Variants in MBOAT2 observed in about 807,000 individuals in gnomAD.
MBOAT2 encodes membrane bound glycerophospholipid O-acyltransferase 2.
A neutral mutation model predicts 63.4 loss-of-function variants in MBOAT2; 28 were observed. The ratio of observed to expected loss-of-function variants is 0.44; its 90% CI spans 0.33 to 0.61. The LOEUF is 0.61. MBOAT2 is among the 20% of genes least tolerant of loss of function. MBOAT2 has a pLI of 0.03. For missense variants in MBOAT2, 470 were observed against 605.8 expected (o/e 0.78, Z 2.35); for synonymous variants, 211 against 215.6 (o/e 0.98, Z 0.19).
chr2:8,926,405 A>T (rs1290067644), intron 3 of MBOAT2, among the ~76,000 whole-genome samples: 1 of 152,242 alleles, frequency 6.6e-6, no homozygotes, highest in Non-Finnish European at 1.5e-5. Context: ...CTCAACATAG[A>T]GTACAAGGCT....
Position 8,858,416 on chromosome 2 carries a change from T to C in MBOAT2, c.*263A>G, listed in dbSNP as rs1368387806. On this transcript the variant is annotated 3_prime_UTR_variant, in exon 13 of 13. Transcript: ENST00000305997. ...TACATTCAGCAACAGGGCACGCGTGTGACCCTACGGACAAGTGCTGAGGTT... is the reference window on the plus strand; with the variant it reads ...TACATTCAGCAACAGGGCACGCGTGCGACCCTACGGACAAGTGCTGAGGTT... The C allele has an allele frequency of 5.3e-6, 2 of 379,700 alleles. No homozygotes were observed. The highest frequency in any genetic ancestry group is 6.2e-5 in the South Asian group (1 of 16,036). 23.5% of individuals were successfully genotyped at this position (379,700 alleles called of 1,614,324 possible).
At chr2:8,933,120 T>C (rs1056595679) in intron 3 of MBOAT2, among the ~76,000 whole-genome samples, 2 of 152,196 alleles carry the variant, frequency 1.3e-5, no homozygotes, top group African/African-American at 4.8e-5. Flanking sequence ...GATGGTTGCA[T>C]GGGCTCTTAA....
chr2:8,963,418 C>A (rs1669760372), intron 1 of MBOAT2, among the ~76,000 whole-genome samples: 1 of 152,170 alleles, frequency 6.6e-6, no homozygotes. Context: ...ATTCTCCTGC[C>A]TCAGCCTCCC....
intron 4 of MBOAT2, among the ~76,000 whole-genome samples, chr2:8,903,353 T>C (rs1042394176): frequency 6.6e-6 from 1 of 152,210 alleles, no homozygotes; most frequent in Non-Finnish European, 1.5e-5. Context: ...CAGTGCCTGC[T>C]TAATAAACCT....
At chr2:9,000,200 T>C (rs1250209811) in intron 1 of MBOAT2, among the ~76,000 whole-genome samples, 2 of 152,220 alleles carry the variant, frequency 1.3e-5, no homozygotes, top group Non-Finnish European at 2.9e-5. Context: ...AATTAGCACA[T>C]ACCAAATTAA....
rs201954366 is a variant in MBOAT2, at chr2:8,858,840, T to C, written c.1402A>G (p.Thr468Ala). 2.4e-5 allele frequency: 39 copies of C among 1,613,724 alleles called. No individual in the cohort carries two copies. In the East Asian group the frequency reaches 6.0e-4, roughly 25 times the overall value. The change falls in exon 13 of 13, where the codon ACT becomes GCT. Residue 468 changes from threonine (T) to alanine (A), a missense_variant. Thr to Ala is a moderately conservative substitution (Grantham distance 58, BLOSUM62 0). This residue lies in a region of MBOAT2 where 90 missense variants were observed against 84.9 expected (regional missense o/e 1.06). Transcript: ENST00000305997. ...TCATGTGTATTCTTTCTTCTTTGAG[T>C]TTTTTTCACTGGCAACAACAATAAT... ...LVLLLLPVKK[T>A]QRRKNTHENI...
intron 11 of MBOAT2, among the ~76,000 whole-genome samples, chr2:8,861,774 C>A (rs951710675): frequency 2.0e-5 from 3 of 152,166 alleles, no homozygotes; most frequent in African/African-American, 7.2e-5. Context: ...ATTTATAACA[C>A]CCACAGAATC....
chr2:8,881,706 G>T (rs1663151713), intron 6 of MBOAT2, among the ~76,000 whole-genome samples: 1 of 152,122 alleles, frequency 6.6e-6, no homozygotes. Flanking sequence ...GATACATAAA[G>T]ATTGACTATA....
intron 3 of MBOAT2, among the ~76,000 whole-genome samples, chr2:8,922,330 T>G (rs139380773): frequency 6.6e-6 from 1 of 152,240 alleles, no homozygotes; most frequent in Non-Finnish European, 1.5e-5. Flanking sequence ...AAACCCAACA[T>G]GTGGGTCCGT....
In MBOAT2 at chr2:9,003,419, AG is replaced by A; in HGVS notation, c.75+120del. 2.5e-6 allele frequency: 1 copy of A among 401,748 alleles called. No homozygotes were observed. Among genetic ancestry groups the A allele is most frequent in the Non-Finnish European group, 3.7e-6 (1 of 268,426 alleles). The allele number at this position is 401,748 out of a possible 1,614,324, so 24.9% of individuals were successfully genotyped here. ...CCCTCCCTTCCAGGGAGCGGCGGGT[AG>A]GGGGGCACCGGGCGCCCGGCCCCAG... On this transcript the variant is annotated intron_variant, in intron 1 of 12. Coordinates refer to ENST00000305997, the MANE Select transcript of MBOAT2 (RefSeq NM_138799.4). The surrounding 1 kb of genome is among the most constrained non-coding windows in gnomAD (Gnocchi z 5.4).
chr2:8,915,803 T>C (rs1666129261), intron 3 of MBOAT2, among the ~76,000 whole-genome samples: 1 of 152,140 alleles, frequency 6.6e-6, no homozygotes, highest in African/African-American at 2.4e-5. Context: ...CTGGACTGGA[T>C]TTAAATAACA....
At position 8,896,153 on chromosome 2, in the gene MBOAT2, G is replaced by T. The variant is rs1664450475; in HGVS notation, c.396-8080C>A. 2.0e-5 allele frequency among the ~76,000 whole-genome samples: 3 copies of T among 151,664 alleles called. No homozygotes were observed. The South Asian group carries it at 6.3e-4, about 32-fold the overall frequency. Reference sequence around the variant, plus strand: ...ACTCAGGAGGCTGAGGCAGAAGAATGGCGTGAACCCGGGAGGTGGAGCTTG... The same window carrying T: ...ACTCAGGAGGCTGAGGCAGAAGAATTGCGTGAACCCGGGAGGTGGAGCTTG... On this transcript the variant is annotated intron_variant, in intron 4 of 12. Coordinates refer to ENST00000305997, the MANE Select transcript of MBOAT2 (RefSeq NM_138799.4).
intron 1 of MBOAT2, among the ~76,000 whole-genome samples, chr2:8,967,427 G>C (rs1350611973): frequency 1.3e-5 from 2 of 152,194 alleles, no homozygotes; most frequent in African/African-American, 4.8e-5. Flanking sequence ...CAGATACCCT[G>C]CTCAAAGAGC....
chr2:8,941,654 G>GT (rs1668059833), intron 3 of MBOAT2, among the ~76,000 whole-genome samples: 1 of 128,568 alleles, frequency 7.8e-6, no homozygotes, highest in Admixed American at 7.8e-5. Context: ...CGTCTCAAAG[G>GT]AAAAAAAAAA....
intron 8 of MBOAT2, 79 bp from the exon 9 acceptor site, chr2:8,868,628 T>C (rs1662075920): frequency 1.8e-6 from 2 of 1,102,318 alleles, no homozygotes; most frequent in African/African-American, 1.6e-5. Context: ...GTATGTGTTA[T>C]TATATCTTTT....
chr2:8,921,338 A>G (rs1304792845), intron 3 of MBOAT2, among the ~76,000 whole-genome samples: 2 of 152,212 alleles, frequency 1.3e-5, no homozygotes, highest in East Asian at 1.9e-4. Flanking sequence ...AAATTTGGCC[A>G]GCTTGCTCCA....
At chr2:8,870,674 G>T (rs1436812220) in intron 8 of MBOAT2, among the ~76,000 whole-genome samples, 1 of 152,118 alleles carries the variant, frequency 6.6e-6, no homozygotes, top group African/African-American at 2.4e-5. Flanking sequence ...CCATTACCAG[G>T]AACTCAACCA....
intron 12 of MBOAT2, among the ~76,000 whole-genome samples, chr2:8,860,231 G>GT (rs1014242525): frequency 2.6e-5 from 4 of 152,138 alleles, no homozygotes; most frequent in African/African-American, 9.7e-5. Context: ...TAAATAGCTG[G>GT]TTTTTTCCCC....
intron 3 of MBOAT2, among the ~76,000 whole-genome samples, chr2:8,920,212 G>T (rs1666476185): frequency 6.6e-6 from 1 of 152,130 alleles, no homozygotes; most frequent in Non-Finnish European, 1.5e-5. Flanking sequence ...ATTTTGAGTT[G>T]ATTTTTATGT....
Sources: gnomAD v4.1 joint callset for allele counts (sites outside exome capture counted in the v4.1 genomes callset) on GRCh38, gnomAD v4.1.1 for gene constraint, gnomAD v4.1.1 regional missense constraint, Gnocchi (gnomAD v3.1) non-coding constraint, MANE v1.5 for transcripts, NCBI Gene and HGNC (gene_info 2026-07-23, HGNC 2026-07-21) for gene names.